The following CLCNKB variants were observed in gnomAD, a reference collection of about 807,000 sequenced individuals.
The protein encoded by CLCNKB is chloride voltage-gated channel Kb, also known as chloride channel protein ClC-Kb.
A neutral mutation model predicts 83.8 loss-of-function variants in CLCNKB; 74 were observed. The ratio of observed to expected loss-of-function variants is 0.88; its 90% confidence interval spans 0.73 to 1.07. CLCNKB has a LOEUF of 1.07. Ranked by LOEUF, CLCNKB falls within the 50% of genes least tolerant of loss-of-function variation. CLCNKB has a pLI of 0.00. For synonymous variants in CLCNKB, 358 were observed against 356.6 expected (o/e 1.00, Z -0.04); for missense variants, 798 against 893.6 (o/e 0.89, Z 1.36).
chr1:16,050,058 C>G, intron 10 of CLCNKB, 142 bp downstream of exon 10: 1 of 642,676 alleles, frequency 1.6e-6, no homozygotes, highest in Non-Finnish European at 2.7e-6. Context: ...GCCCCTAACA[C>G]CACCTACAAG....
In CLCNKB at chr1:16,046,530, C is replaced by A; in HGVS notation, c.230-5C>A. 5.6e-6 allele frequency: 9 copies of A among 1,613,790 alleles called. No homozygotes were observed. The highest frequency in any genetic ancestry group is 7.6e-6 in the Non-Finnish European group (9 of 1,180,006). On this transcript the variant is annotated splice_region_variant and splice_polypyrimidine_tract_variant and intron_variant, in intron 3 of 19. Transcript: ENST00000375679. ...GGTGCCTCCCTGATACCCGGCTGTC[C>A]CCAGCGCACCAGTGGCTGTACAGGG...
intron 1 of CLCNKB, among the ~76,000 whole-genome samples, chr1:16,044,276 A>G (rs1298249224): frequency 6.6e-6 from 1 of 151,662 alleles, no homozygotes; most frequent in Non-Finnish European, 1.5e-5. Flanking sequence ...ATCCCACACA[A>G]TGACACACAC....
rs182956180 is a variant in CLCNKB, at chr1:16,053,976, C to T, written c.1756+204C>T. Among the ~76,000 whole-genome samples the T allele has an allele frequency of 3.9e-5, 6 of 152,246 alleles. No homozygotes were observed. In the East Asian group the frequency reaches 1.2e-3, roughly 29 times the overall value. The stretch of plus-strand genomic sequence containing the variant: ...GGCCACCCTCCCTTGGGGTGGTTGA[C>T]ATGTCTAAAGAGAGTCGGCCGGGTG... On this transcript the variant is annotated intron_variant, in intron 16 of 19. Transcript: ENST00000375679.
intron 1 of CLCNKB, 56 bp from the exon 2 acceptor site, chr1:16,044,430 C>T: frequency 1.4e-6 from 2 of 1,413,946 alleles, no homozygotes; most frequent in Non-Finnish European, 2.0e-6. Flanking sequence ...GGCCTAGAGG[C>T]AGTGCGAGGA....
rs781053314 is a variant in CLCNKB, at chr1:16,050,899, T to C, written c.1078T>C (p.Ser360Pro). ...GCTGTCCATGAAGCAGCATCTGGAC[T>C]CGCTGTTCGACAACCACTCCTGGGC... ...SRLSMKQHLD[S>P]LFDNHSWALM... The change falls in exon 12 of 20, where the codon TCG becomes CCG. Residue 360 changes from serine to proline, a missense_variant. Physicochemically the swap from Ser to Pro is moderately conservative, Grantham distance 74. Transcript: ENST00000375679. The C allele has an allele frequency of 8.1e-6, 13 of 1,612,200 alleles. No homozygotes were observed. Among genetic ancestry groups the C allele is most frequent in the Middle Eastern group, 4.1e-4 (2 of 4,920 alleles).
Position 16,051,460 on chromosome 1 carries a change from G to A in CLCNKB, c.1228-18G>A. 1 of 1,613,842 alleles carries A rather than the reference G, an allele frequency of 6.2e-7. No individual in the cohort carries two copies. Among genetic ancestry groups the A allele is most frequent in the Non-Finnish European group, 8.5e-7 (1 of 1,179,838 alleles). The stretch of plus-strand genomic sequence containing the variant: ...CCAGCAGCCTCTAACCTCTGCCCTG[G>A]GCTCCCCACTCCCACAGTTCTGGAT... On this transcript the variant is annotated intron_variant, in intron 12 of 19. Coordinates refer to ENST00000375679, the MANE Select transcript of CLCNKB (RefSeq NM_000085.5).
rs768873661 is a variant in CLCNKB at position 16,049,019 on chromosome 1, G to T, written c.656-101G>T. 3 of 1,609,114 alleles carry T rather than the reference G, an allele frequency of 1.9e-6. No homozygotes were observed. The African/African-American group carries it at 4.0e-5, about 21-fold the overall frequency. On this transcript the variant is annotated intron_variant, in intron 7 of 19. Transcript: ENST00000375679. ...CTGTCCCTGTCCGGGCTGCAGGAGA[G>T]CAGGACAGATGGGTCAGGGAGGAGG...
chr1:16,048,271 G>T (rs1275721940), intron 5 of CLCNKB, 72 bp from the exon 6 acceptor site: 2 of 1,577,404 alleles, frequency 1.3e-6, no homozygotes, highest in Non-Finnish European at 1.7e-6. Context: ...TTGGGGGGAA[G>T]CCGTGCTGAC....
At chr1:16,055,104 A>G (rs1334910065) in intron 16 of CLCNKB, among the ~76,000 whole-genome samples, 3 of 152,058 alleles carry the variant, frequency 2.0e-5, no homozygotes, top group Admixed American at 1.3e-4. Flanking sequence ...CCCAGCCCTG[A>G]CACACAGACT....
In CLCNKB at chr1:16,051,167, GC is replaced by G; in HGVS notation, c.1227+124del. ...GCCTTCCACCCACATTTCCTGATGT[GC>G]CCCCTGCCCATTGCATGGTCCTGGA... is the stretch of plus-strand genomic sequence containing the variant. On this transcript the variant is annotated intron_variant, in intron 12 of 19. Transcript: ENST00000375679. 3 of 1,471,406 alleles carry G rather than the reference GC, an allele frequency of 2.0e-6. No homozygotes were observed. In the African/African-American group the frequency reaches 4.2e-5, roughly 21 times the overall value. The allele number at this position is 1,471,406 out of a possible 1,614,324, so 91.1% of individuals were successfully genotyped here. A position where few individuals can be genotyped will look rare whatever the true frequency, so the allele number is the denominator to read the frequency against.
At chr1:16,048,233 G>T (rs1041376287) in intron 5 of CLCNKB, 110 bp from the exon 6 acceptor site, 1 of 1,489,250 alleles carries the variant, frequency 6.7e-7, no homozygotes, top group African/African-American at 1.4e-5. Flanking sequence ...GGACGGCCGT[G>T]GGGGCTTGGG....
At chr1:16,044,362 C>CACACACACACACACAG (rs1484737195) in intron 1 of CLCNKB, 124 bp from the exon 2 acceptor site, 1 of 718,374 alleles carries the variant, frequency 1.4e-6, no homozygotes, top group African/African-American at 1.9e-5. Context: ...CACATACACA[C>CACACACACACACACAG]ACACACACAC....
chr1:16,055,888 G>A lies in CLCNKB; in HGVS notation c.1929+130G>A, dbSNP rs1010229707. Reference sequence around the variant, plus strand: ...TCTTATGCTGCTTCCTGCTCCTCCTGGGCCAGTGTCCTCATCAGCAGACTG... The same window carrying A: ...TCTTATGCTGCTTCCTGCTCCTCCTAGGCCAGTGTCCTCATCAGCAGACTG... On this transcript the variant is annotated intron_variant, in intron 18 of 19. Transcript: ENST00000375679. 3.4e-5 allele frequency: 29 copies of A among 845,026 alleles called. No individual in the cohort carries two copies. The African/African-American group carries it at 4.7e-4, about 14-fold the overall frequency. The allele number at this position is 845,026 out of a possible 1,614,324, so 52.3% of individuals were successfully genotyped here.
At chr1:16,053,577 C>A in intron 15 of CLCNKB, 62 bp from the exon 16 acceptor site, 2 of 1,612,482 alleles carry the variant, frequency 1.2e-6, no homozygotes, top group South Asian at 2.2e-5. Flanking sequence ...CACAGATCCC[C>A]CTGCCAGCCT....
Position 16,051,674 on chromosome 1 carries a change from C to T in CLCNKB, c.1298-36C>T. ...GGATGGAGGGCTGTGGGGGCCGGGT[C>T]AGCCTGGCTCCCCCTCACCCTAAGT... On this transcript the variant is annotated intron_variant, in intron 13 of 19. Transcript: ENST00000375679. 3 of 1,604,558 alleles carry T rather than the reference C, an allele frequency of 1.9e-6. No individual in the cohort carries two copies. The South Asian group carries it at 3.3e-5, about 18-fold the overall frequency.
intron 7 of CLCNKB, chr1:16,048,829 T>A: frequency 6.9e-7 from 1 of 1,442,272 alleles, no homozygotes; most frequent in Non-Finnish European, 9.1e-7. Context: ...CGTATGACCC[T>A]GGCCCGTTGG....
intron 15 of CLCNKB, among the ~76,000 whole-genome samples, chr1:16,053,229 C>G (rs1237991851): frequency 1.3e-5 from 2 of 152,104 alleles, no homozygotes; most frequent in African/African-American, 4.8e-5. Context: ...GGTTTCACCA[C>G]GTCAGCCAGG....
At position 16,045,699 on chromosome 1, in the gene CLCNKB, T is replaced by C. The variant is rs771497331; in HGVS notation, c.229+13T>C. The C allele has an allele frequency of 2.6e-6, 4 of 1,551,488 alleles. No homozygotes were observed. In the Admixed American group the frequency reaches 6.9e-5, roughly 27 times the overall value. The stretch of plus-strand genomic sequence containing the variant: ...AGTGTGGTCCGAGGTAACCCCTCCA[T>C]GGCAGGTGCTGCTCTGGGCCAAGGG... On this transcript the variant is annotated intron_variant, in intron 3 of 19. Transcript: ENST00000375679.
In CLCNKB at chr1:16,048,235, G is replaced by C. The variant is rs36090065; in HGVS notation, c.499-108G>C. ...AAAAGCCATCTGAGGACGGCCGTGGGGGCTTGGGAGATGGAGGAGGGGGTG... is the reference window on the plus strand; with the variant it reads ...AAAAGCCATCTGAGGACGGCCGTGGCGGCTTGGGAGATGGAGGAGGGGGTG... On this transcript the variant is annotated intron_variant, in intron 5 of 19. Coordinates refer to ENST00000375679, the MANE Select transcript of CLCNKB (RefSeq NM_000085.5). 196 of 1,496,486 alleles carry C rather than the reference G, an allele frequency of 1.3e-4. No homozygotes were observed. The African/African-American group carries it at 2.4e-3, about 19-fold the overall frequency. 92.7% of individuals were successfully genotyped at this position (1,496,486 alleles called of 1,614,324 possible).
Sources: gnomAD v4.1 joint callset for allele counts (sites outside exome capture counted in the v4.1 genomes callset) on GRCh38, gnomAD v4.1.1 for gene constraint, MANE v1.5 for transcripts, NCBI Gene and HGNC (gene_info 2026-07-23, HGNC 2026-07-21) for gene names.